The following PRKN variants were observed in gnomAD, a reference collection of about 807,000 sequenced individuals.
The protein encoded by PRKN is E3 ubiquitin-protein ligase parkin.
PRKN carries 56 observed loss-of-function variants against 59.5 expected under a neutral mutation model. The observed-to-expected ratio is 0.94, with a 90% CI of 0.76 to 1.18. PRKN has a LOEUF of 1.18. PRKN is among the 50% of genes most tolerant of loss of function. PRKN has a pLI of 0.00. For synonymous variants in PRKN, 250 were observed against 222.1 expected (o/e 1.13, Z -1.12); for missense variants, 657 against 596.4 (o/e 1.10, Z -1.06).
rs1326884559 is a variant in PRKN at position 161,378,369 on chromosome 6, C to A, written c.1167+8425G>T. Among the ~76,000 whole-genome samples, 1 of 152,200 alleles carries A rather than the reference C, an allele frequency of 6.6e-6. No individual in the cohort carries two copies. The highest frequency in any genetic ancestry group is 2.4e-5 in the African/African-American group (1 of 41,452). On this transcript the variant is annotated intron_variant, in intron 10 of 11. Transcript: ENST00000366898. This position sits in a 1 kb window ranked among gnomAD's most constrained non-coding sequence, Gnocchi z 7.3. ...AGGCCCCCCAGCTCGGGCATCCCCCCATCTGCCACACCGCCAACATTCAAC... is the reference window on the plus strand; with the variant it reads ...AGGCCCCCCAGCTCGGGCATCCCCCAATCTGCCACACCGCCAACATTCAAC...
At chr6:161,620,332 G>A (rs1015386540) in intron 7 of PRKN, among the ~76,000 whole-genome samples, 36 of 151,996 alleles carry the variant, frequency 2.4e-4, no homozygotes, top group African/African-American at 8.7e-4. Flanking sequence ...TGGTCCTGTT[G>A]GCTTTAGATC....
intron 1 of PRKN, among the ~76,000 whole-genome samples, chr6:162,604,047 C>T (rs1400283219): frequency 6.6e-6 from 1 of 152,158 alleles, no homozygotes; most frequent in African/African-American, 2.4e-5. Context: ...CCCTCTGTTG[C>T]CTGACTTGAA....
At chr6:161,970,399 C>CTATATATA (rs57166297) in intron 6 of PRKN, among the ~76,000 whole-genome samples, 63 of 146,344 alleles carry the variant, frequency 4.3e-4, no homozygotes, top group Admixed American at 1.3e-3. Context: ...TGATACGAAA[C>CTATATATA]TATATATATA....
intron 3 of PRKN, among the ~76,000 whole-genome samples, chr6:162,228,266 C>A (rs1009741497): frequency 2.0e-5 from 3 of 152,126 alleles, no homozygotes; most frequent in Non-Finnish European, 4.4e-5. Context: ...AGAAATTCAT[C>A]ATAAGGGCTG....
intron 1 of PRKN, among the ~76,000 whole-genome samples, chr6:162,616,296 C>A (rs2803048): frequency 2.0e-5 from 3 of 151,366 alleles, no homozygotes; most frequent in Non-Finnish European, 2.9e-5. Context: ...GGGAGCTTGC[C>A]TACTTTATTC....
chr6:161,788,632 A>G (rs3019434), intron 6 of PRKN, among the ~76,000 whole-genome samples: 131,421 of 152,194 alleles, frequency 0.86, 57,451 homozygotes, highest in East Asian at 0.95. Flanking sequence ...GTGGGTTACC[A>G]GAGAGTGAGC....
At chr6:161,863,318 G>T (rs1793981912) in intron 6 of PRKN, among the ~76,000 whole-genome samples, 1 of 139,650 alleles carries the variant, frequency 7.2e-6, no homozygotes, top group Non-Finnish European at 1.6e-5. Context: ...ATGTTCCTTG[G>T]ATTTATTAAA....
chr6:161,666,223 G>A (rs1307811210), intron 7 of PRKN, among the ~76,000 whole-genome samples: 2 of 152,188 alleles, frequency 1.3e-5, no homozygotes, highest in Non-Finnish European at 2.9e-5. Context: ...AGCCTGTTAG[G>A]AACCAGGCCG....
chr6:161,774,382 G>GCGCACACACACACACA (rs71709903), intron 7 of PRKN, among the ~76,000 whole-genome samples: 3 of 130,934 alleles, frequency 2.3e-5, no homozygotes, highest in Non-Finnish European at 4.9e-5. Context: ...TACTCCCTGA[G>GCGCACACACACACACA]CACACACACA....
chr6:161,953,299 C>T (rs534070259), intron 6 of PRKN, among the ~76,000 whole-genome samples: 6 of 152,162 alleles, frequency 3.9e-5, no homozygotes, highest in South Asian at 4.1e-4. Context: ...TTAATAAAGA[C>T]GGGGTTTCAC....
chr6:162,291,072 G>T (rs1188790107), intron 2 of PRKN, among the ~76,000 whole-genome samples: 2 of 152,158 alleles, frequency 1.3e-5, no homozygotes, highest in African/African-American at 4.8e-5. Context: ...CAGAGAATCA[G>T]GAAAACAGCC....
intron 4 of PRKN, among the ~76,000 whole-genome samples, chr6:162,146,724 C>T (rs371363957): frequency 3.3e-5 from 5 of 151,912 alleles, no homozygotes; most frequent in South Asian, 2.1e-4. Context: ...AGGTTGGTCT[C>T]GAACTCCTGA....
chr6:161,801,140 AC>A (rs1001427781), intron 6 of PRKN, among the ~76,000 whole-genome samples: 51 of 152,236 alleles, frequency 3.4e-4, no homozygotes, highest in Middle Eastern at 3.4e-3. Flanking sequence ...TCCACAGCCC[AC>A]CGGTGACGGA....
intron 4 of PRKN, among the ~76,000 whole-genome samples, chr6:162,087,258 C>T (rs967078997): frequency 6.6e-6 from 1 of 152,052 alleles, no homozygotes; most frequent in East Asian, 1.9e-4. Context: ...AATGAAAATG[C>T]CCCTGGTTGT....
chr6:162,542,395 C>G (rs1424532832), intron 1 of PRKN, among the ~76,000 whole-genome samples: 1 of 152,140 alleles, frequency 6.6e-6, no homozygotes, highest in Non-Finnish European at 1.5e-5. Context: ...AATTGAGACT[C>G]TAACCTATGT....
chr6:161,952,504 AG>A (rs1780027049), intron 6 of PRKN, among the ~76,000 whole-genome samples: 1 of 152,184 alleles, frequency 6.6e-6, no homozygotes, highest in Non-Finnish European at 1.5e-5. Flanking sequence ...CTGTGGTTTC[AG>A]CCAGTTGGGA....
intron 3 of PRKN, among the ~76,000 whole-genome samples, chr6:162,249,477 T>C (rs1361671430): frequency 1.3e-5 from 2 of 152,120 alleles, no homozygotes; most frequent in East Asian, 3.9e-4. Context: ...AGTGGACAAA[T>C]CAGGTTTACT....
At chr6:161,452,357 C>CTT (rs1267995054) in intron 9 of PRKN, among the ~76,000 whole-genome samples, 6 of 152,156 alleles carry the variant, frequency 3.9e-5, no homozygotes, top group African/African-American at 1.2e-4. Context: ...TATAGTGCGC[C>CTT]TTAAGTTCTC....
chr6:161,430,192 C>T (rs571661985), intron 9 of PRKN, among the ~76,000 whole-genome samples: 3 of 152,282 alleles, frequency 2.0e-5, no homozygotes, highest in African/African-American at 4.8e-5. Context: ...CCCTCTGCTG[C>T]GGAAAGAGAC....
Sources: allele counts gnomAD v4.1 joint callset (sites outside exome capture counted in the v4.1 genomes callset), GRCh38; gene constraint gnomAD v4.1.1; non-coding constraint Gnocchi (gnomAD v3.1); transcripts MANE v1.5; gene names NCBI Gene and HGNC (gene_info 2026-07-23, HGNC 2026-07-21).